TMTC2: variants seen among roughly 807,000 people sequenced by gnomAD.
TMTC2 encodes protein O-mannosyl-transferase TMTC2.
Under a neutral mutation model 82.4 loss-of-function variants are expected in TMTC2, and 43 were observed. The ratio of observed to expected loss-of-function variants is 0.52; its 90% CI spans 0.41 to 0.67. The LOEUF is 0.67. Among genes scored for constraint, TMTC2 ranks in the 30% least tolerant of loss-of-function variants. The pLI is 0.00. For missense variants in TMTC2, 919 were observed against 1,012.4 expected (o/e 0.91, Z 1.25); for synonymous variants, 408 against 381.9 (o/e 1.07, Z -0.80).
At chr12:82,891,272 T>G (rs891131761) in intron 2 of TMTC2, among the ~76,000 whole-genome samples, 1 of 152,186 alleles carries the variant, frequency 6.6e-6, no homozygotes, top group Non-Finnish European at 1.5e-5. Context: ...AAATTGGATT[T>G]GAAGAGAGAT....
chr12:82,860,264 G>A (rs138870495), intron 2 of TMTC2, among the ~76,000 whole-genome samples: 13 of 152,196 alleles, frequency 8.5e-5, no homozygotes, highest in African/African-American at 2.2e-4. Context: ...GAACTACCAC[G>A]TCCAGCCCAT....
At chr12:82,743,781 T>G (rs1875538581) in intron 1 of TMTC2, among the ~76,000 whole-genome samples, 6 of 152,362 alleles carry the variant, frequency 3.9e-5, no homozygotes, top group Admixed American at 1.3e-4. Context: ...TATTTTAAAC[T>G]AATCTGCTCT....
intron 8 of TMTC2, among the ~76,000 whole-genome samples, chr12:83,027,189 T>G (rs1204737976): frequency 6.6e-6 from 1 of 152,116 alleles, no homozygotes; most frequent in Admixed American, 6.6e-5. Context: ...TGACATAACA[T>G]AAAAGACACC....
intron 2 of TMTC2, among the ~76,000 whole-genome samples, chr12:82,865,875 C>T (rs1256147652): frequency 5.3e-5 from 8 of 152,288 alleles, no homozygotes; most frequent in Non-Finnish European, 1.2e-4. Flanking sequence ...AACCACTCAA[C>T]TACATGGAAA....
chr12:82,969,167 A>G (rs898741428), intron 7 of TMTC2, among the ~76,000 whole-genome samples: 1 of 152,192 alleles, frequency 6.6e-6, no homozygotes, highest in African/African-American at 2.4e-5. Flanking sequence ...CTATCAGTTC[A>G]TCAGTTTCAT....
chr12:83,061,091 G>C (rs1399903091), intron 10 of TMTC2, among the ~76,000 whole-genome samples: 2 of 151,760 alleles, frequency 1.3e-5, no homozygotes, highest in African/African-American at 2.4e-5. Flanking sequence ...AGTCTGGCTA[G>C]TAAATAGTCC....
rs1032944879 is a variant in TMTC2, at chr12:82,875,374, G to GCATATATATATATATATATATATATATA, written c.654+17794_654+17795insCATATATATATATATATATATATATATA. Among the ~76,000 whole-genome samples, 669 of 150,706 alleles carry GCATATATATATATATATATATATATATA rather than the reference G, an allele frequency of 4.4e-3. 9 individuals carry two copies. The highest frequency in any genetic ancestry group is 0.016 in the African/African-American group (639 of 40,656). On this transcript the variant is annotated intron_variant, in intron 2 of 11. Coordinates refer to ENST00000321196, the MANE Select transcript of TMTC2 (RefSeq NM_152588.3). Reference sequence around the variant, plus strand: ...TTATTAAATTAAATCATATATGTGTGTATATATATATATGTTTTACAGCTG... The same window carrying GCATATATATATATATATATATATATATA: ...TTATTAAATTAAATCATATATGTGTGCATATATATATATATATATATATATATATATATATATATATGTTTTACAGCTG...
intron 2 of TMTC2, among the ~76,000 whole-genome samples, chr12:82,866,290 C>CT (rs971825719): frequency 1.0e-3 from 157 of 151,640 alleles, no homozygotes; most frequent in Middle Eastern, 3.4e-3. Flanking sequence ...TCCTGTGTCC[C>CT]TTCTCCCAAC....
In TMTC2 at chr12:83,132,274, A is replaced by C; in HGVS notation, c.2396A>C (p.Glu799Ala). ...LHLNGRLQKA[E>A]ANYLRALQLK... ...CTCAATGGCAGACTCCAGAAGGCCG[A>C]GGCCAACTACCTGCGGGCCCTGCAG... Residue 799 changes from glutamate to alanine, a missense_variant, in exon 12 of 12, where the codon GAG (glutamate) becomes GCG (alanine). By Grantham distance (107) the Glu-to-Ala change is moderately radical (BLOSUM62 -1). Transcript: ENST00000321196. The C allele has an allele frequency of 6.2e-7, 1 of 1,614,026 alleles. No individual in the cohort carries two copies. Among genetic ancestry groups the C allele is most frequent in the Non-Finnish European group, 8.5e-7 (1 of 1,179,954 alleles).
chr12:82,864,424 G>T (rs1210546645), intron 2 of TMTC2, among the ~76,000 whole-genome samples: 1 of 151,392 alleles, frequency 6.6e-6, no homozygotes, highest in African/African-American at 2.4e-5. Context: ...TTCCTTTGGT[G>T]ATGAACTGAA....
intron 9 of TMTC2, among the ~76,000 whole-genome samples, chr12:83,036,512 C>T (rs1278312866): frequency 6.7e-6 from 1 of 149,986 alleles, no homozygotes; most frequent in Non-Finnish European, 1.5e-5. Context: ...TCATCCAACC[C>T]CTGTGAGGTA....
chr12:82,691,546 A>T (rs1175938862), intron 1 of TMTC2, among the ~76,000 whole-genome samples: 2 of 152,144 alleles, frequency 1.3e-5, no homozygotes, highest in Non-Finnish European at 2.9e-5. Context: ...CAATTTTTTT[A>T]AAACCTGCAT....
chr12:83,097,789 G>T (rs1024664521), intron 11 of TMTC2, among the ~76,000 whole-genome samples: 1 of 152,184 alleles, frequency 6.6e-6, no homozygotes, highest in African/African-American at 2.4e-5. Context: ...ATTCAGCCAT[G>T]CAAATATATG....
chr12:83,012,368 T>C (rs1880499913), intron 8 of TMTC2, among the ~76,000 whole-genome samples: 4 of 152,138 alleles, frequency 2.6e-5, no homozygotes, highest in African/African-American at 9.7e-5. Context: ...AAAATGATGC[T>C]TTAAGTGGGT....
At chr12:82,694,659 G>A (rs1872714098) in intron 1 of TMTC2, among the ~76,000 whole-genome samples, 2 of 152,122 alleles carry the variant, frequency 1.3e-5, no homozygotes, top group Admixed American at 1.3e-4. Context: ...AGTGCCCTTG[G>A]AATAGCAGCT....
Position 83,132,291 on chromosome 12 carries a change from G to A in TMTC2, c.2413G>A (p.Ala805Thr), listed in dbSNP as rs765085048. ...GAAGGCCGAGGCCAACTACCTGCGG[G>A]CCCTGCAGCTCAAGCCAGACGATGT... ...LQKAEANYLR[A>T]LQLKPDDVIT... The change falls in exon 12 of 12, where the codon GCC becomes ACC. Residue 805 changes from alanine (A) to threonine (T), a missense_variant. By Grantham distance (58) the Ala-to-Thr change is moderately conservative (BLOSUM62 0). Transcript: ENST00000321196. The A allele has an allele frequency of 1.2e-6, 2 of 1,613,924 alleles. No homozygotes were observed. Among genetic ancestry groups the A allele is most frequent in the South Asian group, 2.2e-5 (2 of 91,050 alleles).
At chr12:82,768,837 A>G (rs1254504627) in intron 1 of TMTC2, among the ~76,000 whole-genome samples, 7 of 152,202 alleles carry the variant, frequency 4.6e-5, no homozygotes, top group South Asian at 4.2e-4. Context: ...GATGGGGATC[A>G]CACACTGCTT....
chr12:82,888,558 G>C lies in TMTC2; in HGVS notation c.655-7260G>C, dbSNP rs1432910771. 2.0e-5 allele frequency among the ~76,000 whole-genome samples: 3 copies of C among 152,346 alleles called. No homozygotes were observed. The East Asian group carries it at 5.8e-4, about 29-fold the overall frequency. On this transcript the variant is annotated intron_variant, in intron 2 of 11. Transcript: ENST00000321196. Reference sequence around the variant, plus strand: ...CTACCTCAGCCTCCTGAGTAGTTGGGACTACAGGCTACTGTGCACAGCTAA... The same window carrying C: ...CTACCTCAGCCTCCTGAGTAGTTGGCACTACAGGCTACTGTGCACAGCTAA...
chr12:82,756,538 T>A (rs990941399), intron 1 of TMTC2, among the ~76,000 whole-genome samples: 2 of 152,162 alleles, frequency 1.3e-5, no homozygotes, highest in Non-Finnish European at 2.9e-5. Flanking sequence ...GACAAAGGAA[T>A]ATACAGACCT....
Sources: allele counts gnomAD v4.1 joint callset (sites outside exome capture counted in the v4.1 genomes callset), GRCh38; gene constraint gnomAD v4.1.1; transcripts MANE v1.5; gene names NCBI Gene and HGNC (gene_info 2026-07-23, HGNC 2026-07-21).